Variants in DPF3 observed in about 807,000 individuals in gnomAD.
DPF3 encodes double PHD fingers 3.
In DPF3, 18 loss-of-function variants were observed where a neutral mutation model predicts 56.8. That is an observed-to-expected ratio of 0.32 (90% CI 0.22 to 0.47). The LOEUF (loss-of-function observed/expected upper bound fraction) is 0.47, where lower values mean the gene tolerates loss of function less well. Among genes scored for constraint, DPF3 ranks in the 20% least tolerant of loss-of-function variants. DPF3 has a pLI of 1.00. For missense variants in DPF3, 403 were observed against 488.8 expected (o/e 0.82, Z 1.65); for synonymous variants, 188 against 180.2 (o/e 1.04, Z -0.35).
At chr14:72,735,807 T>C (rs1310059849) in intron 3 of DPF3, among the ~76,000 whole-genome samples, 2 of 152,220 alleles carry the variant, frequency 1.3e-5, no homozygotes, top group East Asian at 1.9e-4. Flanking sequence ...GTGGTCATAG[T>C]ATCTATTTCA....
chr14:72,668,650 C>T (rs997325165), intron 8 of DPF3, among the ~76,000 whole-genome samples: 1 of 151,760 alleles, frequency 6.6e-6, no homozygotes, highest in African/African-American at 2.4e-5. Flanking sequence ...AATTAGGTAG[C>T]CTTTTATAAT....
chr14:72,739,323 C>T (rs2139871899), intron 3 of DPF3, among the ~76,000 whole-genome samples: 1 of 152,258 alleles, frequency 6.6e-6, no homozygotes, highest in Admixed American at 6.5e-5. Flanking sequence ...ACTCTCAGCT[C>T]CATTACCCTA....
chr14:72,645,202 A>G (rs1210502631), intron 8 of DPF3, among the ~76,000 whole-genome samples: 1 of 152,230 alleles, frequency 6.6e-6, no homozygotes, highest in Non-Finnish European at 1.5e-5. Flanking sequence ...GCTAAGACCC[A>G]AACCAAATGG....
intron 3 of DPF3, among the ~76,000 whole-genome samples, chr14:72,749,937 T>TGAGCACCTGGATGTAGCTTCA (rs1890496989): frequency 6.6e-6 from 1 of 152,104 alleles, no homozygotes; most frequent in Non-Finnish European, 1.5e-5. Context: ...TCACTATGCT[T>TGAGCACCTGGATGTAGCTTCA]GAGCACCTGG....
chr14:72,870,627 C>T (rs1885860937), intron 1 of DPF3, among the ~76,000 whole-genome samples: 1 of 152,150 alleles, frequency 6.6e-6, no homozygotes, highest in Non-Finnish European at 1.5e-5. Context: ...AATAATAATG[C>T]CATAGATTTC....
chr14:72,673,169 T>A (rs1251118204), intron 8 of DPF3, among the ~76,000 whole-genome samples: 2 of 152,076 alleles, frequency 1.3e-5, no homozygotes, highest in African/African-American at 4.8e-5. Flanking sequence ...CATCAAAATA[T>A]AAAAGGGCTA....
chr14:72,778,844 T>C (rs1023279192), intron 1 of DPF3, among the ~76,000 whole-genome samples: 1 of 152,186 alleles, frequency 6.6e-6, no homozygotes, highest in Non-Finnish European at 1.5e-5. Context: ...AATAACACTA[T>C]AATATCAATT....
intron 1 of DPF3, among the ~76,000 whole-genome samples, chr14:72,883,122 G>A (rs61988481): frequency 0.11 from 16,146 of 152,176 alleles, 948 homozygotes; most frequent in East Asian, 0.15. Context: ...GAGGACAGCA[G>A]GAGTAGGGAT....
chr14:72,861,767 G>GAAAGAAAGAAAGAAAGAAAGA (rs2140098520), intron 1 of DPF3, among the ~76,000 whole-genome samples: 1 of 146,362 alleles, frequency 6.8e-6, no homozygotes, highest in African/African-American at 2.6e-5. Flanking sequence ...AAGAAAGAAA[G>GAAAGAAAGAAAGAAAGAAAGA]AAAGAAAGAA....
chr14:72,739,691 T>A (rs1342239156), intron 3 of DPF3, among the ~76,000 whole-genome samples: 1 of 152,176 alleles, frequency 6.6e-6, no homozygotes, highest in Admixed American at 6.5e-5. Context: ...ACGCTGGTGC[T>A]GCTCCAAGTC....
chr14:72,722,745 T>G (rs1246505859), intron 5 of DPF3, among the ~76,000 whole-genome samples: 1 of 152,236 alleles, frequency 6.6e-6, no homozygotes, highest in African/African-American at 2.4e-5. Context: ...TATTGTCACA[T>G]GCCCTTGCAG....
At chr14:72,654,375 A>G (rs957504317) in intron 8 of DPF3, among the ~76,000 whole-genome samples, 1 of 150,250 alleles carries the variant, frequency 6.7e-6, no homozygotes, top group African/African-American at 2.5e-5. Context: ...CGCTACTCCA[A>G]CCTGCACTGG....
chr14:72,640,373 T>A (rs1460510425), intron 8 of DPF3, among the ~76,000 whole-genome samples: 1 of 152,152 alleles, frequency 6.6e-6, no homozygotes, highest in African/African-American at 2.4e-5. Flanking sequence ...GTGTTGGAGA[T>A]GGCTGGGGAA....
At chr14:72,840,074 G>A (rs969873384) in intron 1 of DPF3, among the ~76,000 whole-genome samples, 3 of 152,144 alleles carry the variant, frequency 2.0e-5, no homozygotes, top group Non-Finnish European at 4.4e-5. Context: ...AAAATTATAC[G>A]AATGCCAGCA....
At chr14:72,731,641 A>C in intron 4 of DPF3, 166 bp downstream of exon 4, 7 of 892,278 alleles carry the variant, frequency 7.8e-6, no homozygotes, top group Non-Finnish European at 3.4e-6. Flanking sequence ...AGATAGGTTA[A>C]GTCAGAAAAG....
chr14:72,704,733 C>T (rs559423822), intron 6 of DPF3, among the ~76,000 whole-genome samples: 1 of 152,330 alleles, frequency 6.6e-6, no homozygotes, highest in South Asian at 2.1e-4. Flanking sequence ...CCTTTTGTCT[C>T]AATGACCCAA....
At chr14:72,798,161 G>A (rs1892712254) in intron 1 of DPF3, among the ~76,000 whole-genome samples, 1 of 146,964 alleles carries the variant, frequency 6.8e-6, no homozygotes, top group Non-Finnish European at 1.5e-5. Context: ...GGCTGAGGCA[G>A]GAGAATTGAT....
At position 72,611,527 on chromosome 14, in the gene DPF3, C is replaced by T. The variant is rs913590421; in HGVS notation, c.*7770G>A. Among the ~76,000 whole-genome samples the T allele has an allele frequency of 2.0e-5, 3 of 152,126 alleles. No homozygotes were observed. Among genetic ancestry groups the T allele is most frequent in the South Asian group, 2.1e-4 (1 of 4,820 alleles). On this transcript the variant is annotated 3_prime_UTR_variant, in exon 11 of 11. Transcript: ENST00000556509. Reference sequence around the variant, plus strand: ...CTTGAAGCCCCCACCCCCCCAGTCCCGCTCTCTGCTTTCTCTAGCAGGGAA... The same window carrying T: ...CTTGAAGCCCCCACCCCCCCAGTCCTGCTCTCTGCTTTCTCTAGCAGGGAA...
chr14:72,851,975 A>G (rs964831243), intron 1 of DPF3, among the ~76,000 whole-genome samples: 4 of 152,264 alleles, frequency 2.6e-5, no homozygotes, highest in Admixed American at 1.3e-4. Context: ...GCAAACATCA[A>G]TTAATCCTCA....
Sources: gnomAD v4.1 joint callset for allele counts (sites outside exome capture counted in the v4.1 genomes callset) on GRCh38, gnomAD v4.1.1 for gene constraint, MANE v1.5 for transcripts, NCBI Gene and HGNC (gene_info 2026-07-23, HGNC 2026-07-21) for gene names.